Variants in ZNF512 observed in about 807,000 individuals in gnomAD.
The protein encoded by ZNF512 is zinc finger protein 512.
A neutral mutation model predicts 77.5 loss-of-function variants in ZNF512; 25 were observed. The observed-to-expected ratio is 0.32, with a 90% confidence interval of 0.23 to 0.45. The LOEUF is 0.45. ZNF512 is among the 20% of genes least tolerant of loss of function. The probability of loss-of-function intolerance (pLI) is 1.00; values close to 1 mark genes in which losing one functional copy is unlikely to be tolerated. For synonymous variants in ZNF512, 246 were observed against 239.9 expected (o/e 1.03, Z -0.24); for missense variants, 483 against 692.6 (o/e 0.70, Z 3.40).
Position 27,612,479 on chromosome 2 carries a change from A to G in ZNF512, c.1132-2689A>G, listed in dbSNP as rs371685626. 3.0e-3 allele frequency among the ~76,000 whole-genome samples: 462 copies of G among 152,270 alleles called. 1 individual carries two copies. Among genetic ancestry groups the G allele is most frequent in the Non-Finnish European group, 4.8e-3 (329 of 68,016 alleles). Reference sequence around the variant, plus strand: ...GATATAAAGGCATGTATAGTCATACATGCACACATACACATCCATATTTAT... The same window carrying G: ...GATATAAAGGCATGTATAGTCATACGTGCACACATACACATCCATATTTAT... On this transcript the variant is annotated intron_variant, in intron 10 of 13. Transcript: ENST00000355467.
intron 5 of ZNF512, 43 bp from the exon 6 acceptor site, chr2:27,600,648 A>C: frequency 6.3e-7 from 1 of 1,584,016 alleles, no homozygotes. Context: ...TTGTTTCTGG[A>C]GAATACTGCA....
chr2:27,608,787 C>T (rs1410176949), intron 10 of ZNF512, among the ~76,000 whole-genome samples: 3 of 151,972 alleles, frequency 2.0e-5, no homozygotes, highest in South Asian at 4.2e-4. Flanking sequence ...GCATAGGGCT[C>T]TGACATATGT....
chr2:27,603,552 A>G (rs952193260), intron 9 of ZNF512, among the ~76,000 whole-genome samples: 18 of 108,620 alleles, frequency 1.7e-4, no homozygotes, highest in Non-Finnish European at 2.7e-4. Flanking sequence ...TATATATTTT[A>G]TATCTTATAT....
At chr2:27,613,341 C>T (rs1207576854) in intron 10 of ZNF512, among the ~76,000 whole-genome samples, 2 of 151,764 alleles carry the variant, frequency 1.3e-5, no homozygotes, top group South Asian at 2.1e-4. Context: ...ACTAAAAATA[C>T]AAAAATTAGC....
At position 27,603,126 on chromosome 2, in the gene ZNF512, TCTC is replaced by T. The variant is rs1395166533; in HGVS notation, c.769-10_769-8del. ...GATGTAAGATTATAGTTTAGGCTTC[TCTC>T]CTCTGTTCAGAGTTGCTCCAGTAGC... is the stretch of plus-strand genomic sequence containing the variant. On this transcript the variant is annotated splice_polypyrimidine_tract_variant and intron_variant, in intron 8 of 13. Transcript: ENST00000355467. 6.2e-7 allele frequency: 1 copy of T among 1,613,448 alleles called. No individual in the cohort carries two copies. The highest frequency in any genetic ancestry group is 1.7e-5 in the Admixed American group (1 of 59,920).
At chr2:27,599,545 G>A (rs749646519) in intron 3 of ZNF512, 38 bp from the exon 4 acceptor site, 1 of 1,491,276 alleles carries the variant, frequency 6.7e-7, no homozygotes. Context: ...TTTACAAAGT[G>A]TGCTGAGTTT....
At chr2:27,620,787 G>C (rs1673086850) in intron 13 of ZNF512, among the ~76,000 whole-genome samples, 1 of 152,112 alleles carries the variant, frequency 6.6e-6, no homozygotes, top group South Asian at 2.1e-4. Flanking sequence ...GGGTCTGGCT[G>C]CAAAATTTAT....
rs1394728562 is a variant in ZNF512 at position 27,611,894 on chromosome 2, CACCATAT to C, written c.1132-3273_1132-3267del. Among the ~76,000 whole-genome samples, 8 of 152,192 alleles carry C rather than the reference CACCATAT, an allele frequency of 5.3e-5. No individual in the cohort carries two copies. In the South Asian group the frequency reaches 1.7e-3, roughly 32 times the overall value. ...TGTAGTTATGGTAGAGACGGGGTTT[CACCATAT>C]TGGCCAGGCTGGTCTCGAACTCCTG... On this transcript the variant is annotated intron_variant, in intron 10 of 13. Transcript: ENST00000355467.
chr2:27,593,239 CACACACAA>C (rs1196768280), intron 2 of ZNF512, among the ~76,000 whole-genome samples: 34 of 142,890 alleles, frequency 2.4e-4, no homozygotes, highest in African/African-American at 3.9e-4. Context: ...CACACACACA[CACACACAA>C]AAGAATGAGC....
At chr2:27,617,312 C>A in intron 12 of ZNF512, 161 bp from the exon 13 acceptor site, 1 of 590,034 alleles carries the variant, frequency 1.7e-6, no homozygotes, top group Non-Finnish European at 3.0e-6. Flanking sequence ...AATCATCCAT[C>A]CAAGCTGGTT....
chr2:27,600,322 A>C (rs1672060620), intron 5 of ZNF512, among the ~76,000 whole-genome samples: 1 of 152,234 alleles, frequency 6.6e-6, no homozygotes, highest in African/African-American at 2.4e-5. Flanking sequence ...TGAAAATTAA[A>C]TGGATAAAAA....
chr2:27,601,294 A>G, intron 6 of ZNF512, 62 bp from the exon 7 acceptor site: 1 of 1,225,602 alleles, frequency 8.2e-7, no homozygotes, highest in African/African-American at 1.5e-5. Context: ...TTTGAGTCGG[A>G]CTTCATGACA....
chr2:27,610,369 A>AT (rs1283442742), intron 10 of ZNF512, among the ~76,000 whole-genome samples: 1 of 147,662 alleles, frequency 6.8e-6, no homozygotes, highest in Non-Finnish European at 1.5e-5. Context: ...GTATCAAAAA[A>AT]AAAAAAAATA....
intron 3 of ZNF512, 121 bp from the exon 4 acceptor site, chr2:27,599,462 G>T: frequency 1.4e-6 from 1 of 693,218 alleles, no homozygotes; most frequent in Non-Finnish European, 2.5e-6. Flanking sequence ...TTTCTCTGAG[G>T]CCTGTGTTCA....
intron 9 of ZNF512, among the ~76,000 whole-genome samples, chr2:27,603,522 G>T (rs1421729895): frequency 6.7e-6 from 1 of 148,340 alleles, no homozygotes; most frequent in African/African-American, 2.5e-5. Context: ...GTATAGTCCA[G>T]GCAGAAGTAA....
intron 9 of ZNF512, among the ~76,000 whole-genome samples, chr2:27,606,301 C>T (rs1038245103): frequency 6.6e-6 from 1 of 150,684 alleles, no homozygotes; most frequent in African/African-American, 2.4e-5. Flanking sequence ...TGTATTTTTT[C>T]ATTTATGGAT....
intron 9 of ZNF512, among the ~76,000 whole-genome samples, chr2:27,603,590 A>ATATTTTT (rs1553352045): frequency 2.3e-5 from 2 of 85,672 alleles, no homozygotes; most frequent in African/African-American, 9.6e-5. Flanking sequence ...GTGTGTGTAT[A>ATATTTTT]TTTTTTTTTT....
At chr2:27,609,681 T>G (rs1007494217) in intron 10 of ZNF512, among the ~76,000 whole-genome samples, 1 of 152,162 alleles carries the variant, frequency 6.6e-6, no homozygotes, top group East Asian at 1.9e-4. Context: ...ACAGCCTGGC[T>G]AACATGGTGA....
chr2:27,609,300 AT>A (rs1027682121), intron 10 of ZNF512, among the ~76,000 whole-genome samples: 2 of 151,944 alleles, frequency 1.3e-5, no homozygotes, highest in African/African-American at 2.4e-5. Flanking sequence ...TTATTTCTAC[AT>A]TTTTTTTGCC....
Sources: gnomAD v4.1 joint callset for allele counts (sites outside exome capture counted in the v4.1 genomes callset) on GRCh38, gnomAD v4.1.1 for gene constraint, MANE v1.5 for transcripts, NCBI Gene and HGNC (gene_info 2026-07-23, HGNC 2026-07-21) for gene names.